The following COPB1 variants were observed in gnomAD, a reference collection of about 807,000 sequenced individuals.
COPB1 encodes the protein coat protein complex I subunit beta 1, also known as coatomer subunit beta.
A neutral mutation model predicts 108.7 loss-of-function variants in COPB1; 21 were observed. That is an observed-to-expected ratio of 0.19 (90% CI 0.14 to 0.28). The LOEUF is 0.28. Among genes scored for constraint, COPB1 ranks in the 10% least tolerant of loss-of-function variants. The probability of loss-of-function intolerance (pLI) is 1.00; values close to 1 mark genes in which losing one functional copy is unlikely to be tolerated. For missense variants in COPB1, 919 were observed against 1,141.3 expected (o/e 0.81, Z 2.81); for synonymous variants, 378 against 386.8 (o/e 0.98, Z 0.27).
At chr11:14,463,678 A>G (rs1223677198) in intron 18 of COPB1, among the ~76,000 whole-genome samples, 1 of 152,158 alleles carries the variant, frequency 6.6e-6, no homozygotes, top group Non-Finnish European at 1.5e-5. Context: ...GTCCTTGAAT[A>G]TCTTTAGGCA....
At chr11:14,465,081 ACACAC>A (rs1565012295) in intron 17 of COPB1, 51 bp from the exon 18 acceptor site, 1 of 1,458,440 alleles carries the variant, frequency 6.9e-7, no homozygotes, top group East Asian at 2.3e-5. Flanking sequence ...ACACACACAC[ACACAC>A]ACACACACAC....
rs1589963912 is a variant in COPB1 at position 14,483,742 on chromosome 11, C to T, written c.838-591G>A. ...GGGAGGGAGGGAAGAGAAAGAACAG[C>T]CCTTCCTTGCATAAGAATTCCAATA... is the stretch of plus-strand genomic sequence containing the variant. On this transcript the variant is annotated intron_variant, in intron 7 of 21. Transcript: ENST00000439561. 2.0e-5 allele frequency among the ~76,000 whole-genome samples: 3 copies of T among 152,152 alleles called. No homozygotes were observed. In the South Asian group the frequency reaches 6.2e-4, roughly 32 times the overall value.
In COPB1 at chr11:14,458,691, G is replaced by A. The variant is rs1320061547; in HGVS notation, c.2647-4C>T. On this transcript the variant is annotated splice_polypyrimidine_tract_variant and splice_region_variant and intron_variant, in intron 20 of 21. Coordinates refer to ENST00000439561, the MANE Select transcript of COPB1 (RefSeq NM_001144061.2). ...AGCCACAGTAACCAGAAAGGGCCTG[G>A]AAAAAATTTGTGATAAATTCATTAC... 2.5e-6 allele frequency: 4 copies of A among 1,603,494 alleles called. No individual in the cohort carries two copies. The highest frequency in any genetic ancestry group is 2.3e-5 in the East Asian group (1 of 44,358).
chr11:14,483,031 C>T lies in COPB1; in HGVS notation c.957+1G>A. The T allele has an allele frequency of 6.4e-7, 1 of 1,556,594 alleles. No homozygotes were observed. Among genetic ancestry groups the T allele is most frequent in the Non-Finnish European group, 8.8e-7 (1 of 1,139,720 alleles). On this transcript the variant is annotated splice_donor_variant, in intron 8 of 21. Coordinates refer to ENST00000439561, the MANE Select transcript of COPB1 (RefSeq NM_001144061.2). LOFTEE classifies it high-confidence loss of function. ...ATCTCTCTTTTTCAGATAACACTTA[C>T]CTGTAGTACTCGTTCATGAGCAGGA...
intron 3 of COPB1, among the ~76,000 whole-genome samples, 161 bp from the exon 4 acceptor site, chr11:14,493,972 T>A (rs951258488): frequency 2.0e-5 from 3 of 152,194 alleles, no homozygotes; most frequent in Admixed American, 2.0e-4. Flanking sequence ...TTTTTACCTA[T>A]CTCATCAATG....
chr11:14,463,380 C>T (rs938859081), intron 18 of COPB1, among the ~76,000 whole-genome samples: 1 of 152,168 alleles, frequency 6.6e-6, no homozygotes, highest in Non-Finnish European at 1.5e-5. Context: ...CGCAGTGGTG[C>T]GATCTCGGCT....
chr11:14,485,959 T>A (rs1477819910), intron 7 of COPB1, among the ~76,000 whole-genome samples: 7 of 152,206 alleles, frequency 4.6e-5, no homozygotes, highest in Non-Finnish European at 7.3e-5. Context: ...TATTTACTAC[T>A]CATTAAGAGG....
intron 2 of COPB1, among the ~76,000 whole-genome samples, chr11:14,495,518 T>C (rs1284928900): frequency 2.0e-5 from 3 of 152,172 alleles, no homozygotes; most frequent in African/African-American, 7.2e-5. Context: ...CTTCATTTAA[T>C]AGCCACTTAA....
chr11:14,488,475 T>C lies in COPB1; in HGVS notation c.699+17A>G, dbSNP rs574211474. ...ACTGCTGAGTTTATTTTACTCATCA[T>C]AGATTATCATTCTTACCTTATAAAT... On this transcript the variant is annotated intron_variant, in intron 6 of 21. Transcript: ENST00000439561. The C allele has an allele frequency of 7.8e-6, 12 of 1,542,686 alleles. No individual in the cohort carries two copies. Among genetic ancestry groups the C allele is most frequent in the South Asian group, 2.3e-5 (2 of 85,628 alleles).
chr11:14,471,027 T>C (rs1289882813), intron 14 of COPB1, among the ~76,000 whole-genome samples: 1 of 151,648 alleles, frequency 6.6e-6, no homozygotes, highest in African/African-American at 2.4e-5. Context: ...AGCTTTACTT[T>C]TACACTACTG....
chr11:14,466,612 G>A (rs1850286487), intron 16 of COPB1, among the ~76,000 whole-genome samples, 186 bp from the exon 17 acceptor site: 1 of 152,108 alleles, frequency 6.6e-6, no homozygotes. Context: ...AGAAATAACA[G>A]GTCCTAGAGT....
At chr11:14,491,398 A>C (rs949627968) in intron 4 of COPB1, among the ~76,000 whole-genome samples, 1 of 151,850 alleles carries the variant, frequency 6.6e-6, no homozygotes, top group African/African-American at 2.4e-5. Context: ...AGCCGGGCGC[A>C]GTGGCTCACA....
intron 6 of COPB1, among the ~76,000 whole-genome samples, chr11:14,486,710 G>A (rs1307534867): frequency 1.3e-5 from 2 of 151,952 alleles, no homozygotes; most frequent in African/African-American, 4.8e-5. Context: ...CAAGTTAGAG[G>A]CCAACAAAAA....
chr11:14,463,381 G>A (rs533624662), intron 18 of COPB1, among the ~76,000 whole-genome samples: 1 of 152,270 alleles, frequency 6.6e-6, no homozygotes, highest in African/African-American at 2.4e-5. Context: ...GCAGTGGTGC[G>A]ATCTCGGCTC....
At chr11:14,480,537 T>TTTTTTTTGGTCACTGTTTTTG (rs1850638441) in intron 10 of COPB1, among the ~76,000 whole-genome samples, 1 of 151,858 alleles carries the variant, frequency 6.6e-6, no homozygotes, top group African/African-American at 2.4e-5. Flanking sequence ...TATGCAAAGC[T>TTTTTTTTGGTCACTGTTTTTG]TTTTTTTGGT....
At chr11:14,470,082 C>A (rs1466865925) in intron 14 of COPB1, among the ~76,000 whole-genome samples, 2 of 152,216 alleles carry the variant, frequency 1.3e-5, no homozygotes. Context: ...TTCCAAAATA[C>A]AGCTTCTATA....
chr11:14,482,737 T>C (rs1443441178), intron 8 of COPB1, among the ~76,000 whole-genome samples: 2 of 152,190 alleles, frequency 1.3e-5, no homozygotes, highest in Non-Finnish European at 1.5e-5. Flanking sequence ...GGTTTTACCA[T>C]GTTGGCCAGG....
chr11:14,483,634 A>G (rs1850709830), intron 7 of COPB1, among the ~76,000 whole-genome samples: 1 of 152,166 alleles, frequency 6.6e-6, no homozygotes, highest in Non-Finnish European at 1.5e-5. Flanking sequence ...ATAACTATTA[A>G]TAAGACAAAA....
At chr11:14,494,681 T>G (rs936597045) in intron 2 of COPB1, 1 of 362,482 alleles carries the variant, frequency 2.8e-6, no homozygotes, top group African/African-American at 2.1e-5. Flanking sequence ...GGCGCTGGAT[T>G]AGATTTCTGG....
Sources: gnomAD v4.1 joint callset for allele counts (sites outside exome capture counted in the v4.1 genomes callset) on GRCh38, gnomAD v4.1.1 for gene constraint, MANE v1.5 for transcripts, NCBI Gene and HGNC (gene_info 2026-07-23, HGNC 2026-07-21) for gene names.